TMEM44: variants seen among roughly 807,000 people sequenced by gnomAD.
The protein encoded by TMEM44 is transmembrane protein 44.
A neutral mutation model predicts 47.8 loss-of-function variants in TMEM44; 43 were observed. The observed-to-expected ratio is 0.90, with a 90% confidence interval of 0.70 to 1.16. The LOEUF (loss-of-function observed/expected upper bound fraction) is 1.16. Ranked by LOEUF, TMEM44 falls within the 50% of genes most tolerant of loss-of-function variation. TMEM44 has a pLI of 0.00. For synonymous variants in TMEM44, 277 were observed against 238.8 expected, an observed-to-expected ratio of 1.16 and a Z score of -1.48; for missense variants, 568 against 555.2, an observed-to-expected ratio of 1.02 and a Z score of -0.23.
chr3:194,615,282 C>G (rs1428605598), intron 7 of TMEM44, among the ~76,000 whole-genome samples: 1 of 151,994 alleles, frequency 6.6e-6, no homozygotes, highest in African/African-American at 2.4e-5. Flanking sequence ...ATAAAGCGAC[C>G]AACTGGGCAA....
Position 194,626,006 on chromosome 3 carries a change from AAG to A in TMEM44, c.265-18_265-17del. ...CAGTGAAAACCTGGGAGCAAACGGG[AAG>A]AGAGTCTTGGCATTCAAGCATCTTT... is the stretch of plus-strand genomic sequence containing the variant. On this transcript the variant is annotated splice_polypyrimidine_tract_variant and intron_variant, in intron 2 of 9. Transcript: ENST00000347147. The A allele has an allele frequency of 3.8e-6, 6 of 1,593,714 alleles. No individual in the cohort carries two copies. The highest frequency in any genetic ancestry group is 5.2e-6 in the Non-Finnish European group (6 of 1,161,802).
chr3:194,596,559 A>G (rs1713428806), intron 9 of TMEM44, among the ~76,000 whole-genome samples: 1 of 152,180 alleles, frequency 6.6e-6, no homozygotes, highest in Non-Finnish European at 1.5e-5. Context: ...TGGGAGGCTG[A>G]GGCGGGCAGA....
rs1434917056 is a variant in TMEM44, at chr3:194,588,379, C to T, written c.*150G>A. The T allele has an allele frequency of 3.0e-6, 2 of 659,072 alleles. No homozygotes were observed. The highest frequency in any genetic ancestry group is 1.9e-5 in the South Asian group (1 of 53,782). 40.8% of individuals were successfully genotyped at this position (659,072 alleles called of 1,614,324 possible). Reference sequence around the variant, plus strand: ...AGCTCCGTGATGAGCTATGATGTAGCCCAGCCACACTCAGTGACGGCTCCT... The same window carrying T: ...AGCTCCGTGATGAGCTATGATGTAGTCCAGCCACACTCAGTGACGGCTCCT... On this transcript the variant is annotated 3_prime_UTR_variant, in exon 10 of 10. Coordinates refer to ENST00000347147, the MANE Select transcript of TMEM44 (RefSeq NM_001011655.3).
intron 7 of TMEM44, 80 bp downstream of exon 7, chr3:194,615,489 G>A (rs1158910253): frequency 3.2e-6 from 5 of 1,546,584 alleles, no homozygotes; most frequent in African/African-American, 1.4e-5. Flanking sequence ...ACGTCCGTCC[G>A]CAGTATCCTG....
At chr3:194,593,335 G>T (rs141750495) in intron 9 of TMEM44, among the ~76,000 whole-genome samples, 145 of 152,250 alleles carry the variant, frequency 9.5e-4, no homozygotes, top group Non-Finnish European at 1.9e-3. Context: ...AATCTATCAA[G>T]ATTTAAAAAT....
At chr3:194,620,205 C>T (rs1317111047) in intron 5 of TMEM44, among the ~76,000 whole-genome samples, 1 of 150,262 alleles carries the variant, frequency 6.7e-6, no homozygotes, top group Non-Finnish European at 1.5e-5. Context: ...GCAGAAGAAT[C>T]GCTTGAACCC....
At chr3:194,631,358 G>C (rs183061682) in intron 1 of TMEM44, among the ~76,000 whole-genome samples, 191 of 151,872 alleles carry the variant, frequency 1.3e-3, no homozygotes, top group African/African-American at 4.4e-3. Context: ...ACTCAGCAGA[G>C]GGTGGTGCTC....
chr3:194,599,610 A>G (rs1243526131), intron 9 of TMEM44, among the ~76,000 whole-genome samples: 4 of 126,162 alleles, frequency 3.2e-5, no homozygotes, highest in African/African-American at 6.4e-5. Flanking sequence ...TTTGAGACAG[A>G]GTCTCGTTCT....
At position 194,610,946 on chromosome 3, in the gene TMEM44, G is replaced by A; in HGVS notation, c.987C>T (p.Tyr329=). 1 of 1,613,916 alleles carries A rather than the reference G, an allele frequency of 6.2e-7. No individual in the cohort carries two copies. Among genetic ancestry groups the A allele is most frequent in the Non-Finnish European group, 8.5e-7 (1 of 1,179,956 alleles). ...GCACAGGCTCGATGGTCAGCTCCATGTAGCGACTGATTGCTGTCATTGTCC... is the reference window on the plus strand; with the variant it reads ...GCACAGGCTCGATGGTCAGCTCCATATAGCGACTGATTGCTGTCATTGTCC... ...SLRTMTAISR[Y]MELTIEPVQQ... is the part of the protein sequence containing the mutation. The change falls in exon 8 of 10, where the codon TAC becomes TAT. Residue 329 remains tyrosine (Y), a synonymous_variant. Transcript: ENST00000347147.
Position 194,617,192 on chromosome 3 carries a change from C to T in TMEM44, c.690G>A (p.Ser230=), listed in dbSNP as rs755101125. 5.3e-5 allele frequency: 83 copies of T among 1,553,248 alleles called. No homozygotes were observed. The highest frequency in any genetic ancestry group is 6.4e-5 in the Non-Finnish European group (74 of 1,148,724). The change falls in exon 6 of 10, where the codon TCG becomes TCA. Residue 230 remains serine, a synonymous_variant. Transcript: ENST00000347147. ...GGTGCTGGTCGTGGGCCACAATGGC[C>T]GAGGCATAGAGGAGGCCAGCCAGGG... ...LSALAGLLYA[S]AIVAHDQHPE... is the part of the protein sequence containing the mutation.
In TMEM44 at chr3:194,625,986, A is replaced by G; in HGVS notation, c.269T>C (p.Phe90Ser). 1 of 1,612,722 alleles carries G rather than the reference A, an allele frequency of 6.2e-7. No homozygotes were observed. The highest frequency in any genetic ancestry group is 8.5e-7 in the Non-Finnish European group (1 of 1,178,818). ...LLARQLTIQVFTGAYLAAIDL... is the reference protein window; with the variant it reads ...LLARQLTIQVSTGAYLAAIDL... ...AATAGCTGCTAGGTAGGCACCAGTG[A>G]AAACCTGGGAGCAAACGGGAAGAGA... Residue 90 changes from phenylalanine (F) to serine (S), a missense_variant, in exon 3 of 10, where the codon TTC becomes TCC. By Grantham distance (155) the Phe-to-Ser change is radical. Coordinates refer to ENST00000347147, the MANE Select transcript of TMEM44 (RefSeq NM_001011655.3).
chr3:194,623,684 G>C lies in TMEM44; in HGVS notation c.370C>G (p.Arg124Gly), dbSNP rs776302802. Residue 124 changes from arginine to glycine, a missense_variant, in exon 4 of 10, where the codon CGA becomes GGA. By Grantham distance (125) the Arg-to-Gly change is moderately radical (BLOSUM62 -2). Coordinates refer to ENST00000347147, the MANE Select transcript of TMEM44 (RefSeq NM_001011655.3). ...AGCTGCCGCCTCCTCTTCCTCTCTCGGGCTTCCCGATCTGCAACAGACACC... is the reference window on the plus strand; with the variant it reads ...AGCTGCCGCCTCCTCTTCCTCTCTCCGGCTTCCCGATCTGCAACAGACACC... ...KFKSNSDREA[R>G]ERKRRRQLRA... 5.6e-6 allele frequency: 9 copies of C among 1,613,808 alleles called. No individual in the cohort carries two copies. The highest frequency in any genetic ancestry group is 7.6e-6 in the Non-Finnish European group (9 of 1,179,984).
At chr3:194,615,346 C>T (rs1247028662) in intron 7 of TMEM44, among the ~76,000 whole-genome samples, 1 of 152,180 alleles carries the variant, frequency 6.6e-6, no homozygotes, top group Admixed American at 6.5e-5. Flanking sequence ...AGGCTCAATG[C>T]CCCGTCCACT....
chr3:194,621,972 A>C (rs1716589648), intron 5 of TMEM44, among the ~76,000 whole-genome samples: 2 of 152,220 alleles, frequency 1.3e-5, no homozygotes, highest in African/African-American at 4.8e-5. Flanking sequence ...TCGGCCTCCC[A>C]AAGTGCTGGC....
chr3:194,625,452 T>C (rs1717054310), intron 3 of TMEM44, among the ~76,000 whole-genome samples: 1 of 150,712 alleles, frequency 6.6e-6, no homozygotes, highest in African/African-American at 2.4e-5. Flanking sequence ...GTTGTTTTTG[T>C]TTTTTGTTTT....
intron 9 of TMEM44, among the ~76,000 whole-genome samples, chr3:194,603,078 G>A (rs553098342): frequency 2.6e-5 from 4 of 152,252 alleles, no homozygotes; most frequent in South Asian, 2.1e-4. Flanking sequence ...ACATACAAGC[G>A]GCCGCTACAT....
At chr3:194,609,550 C>T (rs768021428) in intron 8 of TMEM44, among the ~76,000 whole-genome samples, 2 of 152,022 alleles carry the variant, frequency 1.3e-5, no homozygotes, top group Non-Finnish European at 2.9e-5. Flanking sequence ...TCGGTGACCT[C>T]GACAAGACAG....
At chr3:194,600,783 A>C (rs968933101) in intron 9 of TMEM44, among the ~76,000 whole-genome samples, 5 of 152,092 alleles carry the variant, frequency 3.3e-5, no homozygotes, top group African/African-American at 1.2e-4. Context: ...GAAGAACAGA[A>C]AATATAGATT....
At chr3:194,590,598 C>G (rs948461539) in intron 9 of TMEM44, among the ~76,000 whole-genome samples, 18 of 152,180 alleles carry the variant, frequency 1.2e-4, no homozygotes, top group African/African-American at 3.9e-4. Flanking sequence ...AAAACGGTTT[C>G]TAAGCTGAGG....
Sources: gnomAD v4.1 joint callset for allele counts (sites outside exome capture counted in the v4.1 genomes callset) on GRCh38, gnomAD v4.1.1 for gene constraint, MANE v1.5 for transcripts, NCBI Gene and HGNC (gene_info 2026-07-23, HGNC 2026-07-21) for gene names.